The following DUSP21 variants were observed in gnomAD, a reference collection of about 807,000 sequenced individuals.
DUSP21 encodes the protein dual specificity phosphatase 21.
For synonymous variants in DUSP21, 57 were observed against 68.9 expected (o/e 0.83, Z 0.86); for missense variants, 156 against 165.8 (o/e 0.94, Z 0.32).
In DUSP21 at chrX:44,844,644, C is replaced by A; in HGVS notation, c.512C>A (p.Ser171Ter). The change falls in exon 1 of 1, where the codon TCG (serine) becomes TAG (stop). Residue 171 changes from serine (S) to a stop codon, truncating the protein, a stop_gained. Transcript: ENST00000339042. LOFTEE classifies it low-confidence loss of function (END_TRUNC). The part of the protein sequence containing the change: ...FNNNTVRMIN[S>*]PVGNIPDIYE... Reference sequence around the variant, plus strand: ...AACAACACCGTGCGCATGATCAACTCGCCGGTAGGTAACATCCCTGACATC... The same window carrying A: ...AACAACACCGTGCGCATGATCAACTAGCCGGTAGGTAACATCCCTGACATC... The A allele has an allele frequency of 8.3e-7, 1 of 1,210,548 alleles. No homozygotes were observed.
Position 44,844,047 on chromosome X carries a change from C to CT in DUSP21, c.-84dup. ...TCTTTCTCCAACACCTAGCCTGAGACTTGGCGGCGCGGCTGCTATCCTGAA... is the reference window on the plus strand; with the variant it reads ...TCTTTCTCCAACACCTAGCCTGAGACTTTGGCGGCGCGGCTGCTATCCTGAA... On this transcript the variant is annotated 5_prime_UTR_variant, in exon 1 of 1. Coordinates refer to ENST00000339042, the MANE Select transcript of DUSP21 (RefSeq NM_022076.4). The CT allele has an allele frequency of 3.2e-6, 3 of 943,214 alleles. No homozygotes were observed. The highest frequency in any genetic ancestry group is 4.3e-6 in the Non-Finnish European group (3 of 699,927). The allele number at this position is 943,214 out of a possible 1,213,427, so 77.7% of individuals were successfully genotyped here.
At position 44,844,096 on chromosome X, in the gene DUSP21, C is replaced by T. The variant is rs190374737; in HGVS notation, c.-37C>T. On this transcript the variant is annotated 5_prime_UTR_variant, in exon 1 of 1. Transcript: ENST00000339042. The stretch of plus-strand genomic sequence containing the variant: ...AACTAGCTTGGTAAGTGTTGTGTCC[C>T]GAACCAGCGTAGAGAGACCTCGGAC... 1.5e-5 allele frequency: 18 copies of T among 1,162,815 alleles called. No homozygotes were observed. The African/African-American group carries it at 2.0e-4, about 13-fold the overall frequency.
chrX:44,844,800 C>T lies in DUSP21; in HGVS notation c.*95C>T. The T allele has an allele frequency of 1.1e-6, 1 of 920,798 alleles. No individual in the cohort carries two copies. The highest frequency in any genetic ancestry group is 1.5e-6 in the Non-Finnish European group (1 of 668,229). The allele number at this position is 920,798 out of a possible 1,213,427, so 75.9% of individuals were successfully genotyped here. A position where few individuals can be genotyped will look rare whatever the true frequency, so the allele number is the denominator to read the frequency against. ...TGTTAGTAAAGAAAACCGGATGGTG[C>T]CTTGTTAAAGGGCAAGAAAAAAGGG... On this transcript the variant is annotated 3_prime_UTR_variant, in exon 1 of 1. Coordinates refer to ENST00000339042, the MANE Select transcript of DUSP21 (RefSeq NM_022076.4).
In DUSP21 at chrX:44,844,741, C is replaced by G; in HGVS notation, c.*36C>G. The G allele has an allele frequency of 8.8e-7, 1 of 1,141,004 alleles. No individual in the cohort carries two copies. The highest frequency in any genetic ancestry group is 1.2e-6 in the Non-Finnish European group (1 of 848,147). 94.0% of individuals were successfully genotyped at this position (1,141,004 alleles called of 1,213,427 possible). A position where few individuals can be genotyped will look rare whatever the true frequency, so the allele number is the denominator to read the frequency against. On this transcript the variant is annotated 3_prime_UTR_variant, in exon 1 of 1. Coordinates refer to ENST00000339042, the MANE Select transcript of DUSP21 (RefSeq NM_022076.4). ...CCAGCCCCTGACATCTGCCATCGATCTTGCACCAAGACTGAACTTGAACAC... is the reference window on the plus strand; with the variant it reads ...CCAGCCCCTGACATCTGCCATCGATGTTGCACCAAGACTGAACTTGAACAC...
rs138277843 is a variant in DUSP21, at chrX:44,844,169, G to T, written c.37G>T (p.Gly13Cys). 1.7e-6 allele frequency: 2 copies of T among 1,211,057 alleles called. No individual in the cohort carries two copies. Among genetic ancestry groups the T allele is most frequent in the African/African-American group, 3.5e-5 (2 of 57,699 alleles). ...ASASSFSSSQ[G>C]VQQPSIYSFS... is the part of the protein sequence containing the mutation. Reference sequence around the variant, plus strand: ...CGCGTCCTCCTTTTCATCATCTCAGGGTGTCCAGCAGCCCTCCATCTACAG... The same window carrying T: ...CGCGTCCTCCTTTTCATCATCTCAGTGTGTCCAGCAGCCCTCCATCTACAG... Residue 13 changes from glycine to cysteine, a missense_variant, in exon 1 of 1, where the codon GGT becomes TGT. Coordinates refer to ENST00000339042, the MANE Select transcript of DUSP21 (RefSeq NM_022076.4).
At position 44,844,723 on chromosome X, in the gene DUSP21, C is replaced by G; in HGVS notation, c.*18C>G. 8.6e-7 allele frequency: 1 copy of G among 1,166,145 alleles called. No homozygotes were observed. Among genetic ancestry groups the G allele is most frequent in the African/African-American group, 1.8e-5 (1 of 56,685 alleles). On this transcript the variant is annotated 3_prime_UTR_variant, in exon 1 of 1. Transcript: ENST00000339042. ...CAATGTAAGCCATCCCGGCCAGCCC[C>G]TGACATCTGCCATCGATCTTGCACC...
At position 44,844,346 on chromosome X, in the gene DUSP21, C is replaced by T. The variant is rs774826854; in HGVS notation, c.214C>T (p.Pro72Ser). Residue 72 changes from proline to serine, a missense_variant, in exon 1 of 1, where the codon CCT (proline) becomes TCT (serine). By Grantham distance (74) the Pro-to-Ser change is moderately conservative. Transcript: ENST00000339042. ...CGAGGGCATTCAGTACATAAAGGTG[C>T]CTGTTACCGATGCTCGTGACTCGCG... ...FFEGIQYIKV[P>S]VTDARDSRLY... 31 of 1,209,289 alleles carry T rather than the reference C, an allele frequency of 2.6e-5. No homozygotes were observed. The highest frequency in any genetic ancestry group is 3.4e-5 in the Non-Finnish European group (30 of 895,107).
rs1264299100 is a variant in DUSP21 at position 44,844,845 on chromosome X, C to T, written c.*140C>T. On this transcript the variant is annotated 3_prime_UTR_variant, in exon 1 of 1. Coordinates refer to ENST00000339042, the MANE Select transcript of DUSP21 (RefSeq NM_022076.4). Reference sequence around the variant, plus strand: ...AAAGGGAGGGGGTTGGAGTTTTGAACGTAGTAAGCCTTACCTTAATAGAAT... The same window carrying T: ...AAAGGGAGGGGGTTGGAGTTTTGAATGTAGTAAGCCTTACCTTAATAGAAT... The T allele has an allele frequency of 1.3e-5, 7 of 533,957 alleles. No homozygotes were observed. The highest frequency in any genetic ancestry group is 2.1e-5 in the Non-Finnish European group (7 of 329,439). 44.0% of individuals were successfully genotyped at this position (533,957 alleles called of 1,213,427 possible).
Position 44,844,860 on chromosome X carries a change from C to G in DUSP21, c.*155C>G. 1 of 494,081 alleles carries G rather than the reference C, an allele frequency of 2.0e-6. No individual in the cohort carries two copies. Among genetic ancestry groups the G allele is most frequent in the African/African-American group, 2.4e-5 (1 of 41,528 alleles). The allele number at this position is 494,081 out of a possible 1,213,427, so 40.7% of individuals were successfully genotyped here. On this transcript the variant is annotated 3_prime_UTR_variant, in exon 1 of 1. Transcript: ENST00000339042. ...GAGTTTTGAACGTAGTAAGCCTTAC[C>G]TTAATAGAATTAAATTCATGAAACA... is the stretch of plus-strand genomic sequence containing the variant.
chrX:44,844,737 C>A lies in DUSP21; in HGVS notation c.*32C>A. 8.8e-7 allele frequency: 1 copy of A among 1,140,291 alleles called. No individual in the cohort carries two copies. Among genetic ancestry groups the A allele is most frequent in the Admixed American group, 2.4e-5 (1 of 40,837 alleles). 94.0% of individuals were successfully genotyped at this position (1,140,291 alleles called of 1,213,427 possible). A position where few individuals can be genotyped will look rare whatever the true frequency, so the allele number is the denominator to read the frequency against. On this transcript the variant is annotated 3_prime_UTR_variant, in exon 1 of 1. Coordinates refer to ENST00000339042, the MANE Select transcript of DUSP21 (RefSeq NM_022076.4). ...CCGGCCAGCCCCTGACATCTGCCAT[C>A]GATCTTGCACCAAGACTGAACTTGA...
chrX:44,844,782 A>G lies in DUSP21; in HGVS notation c.*77A>G, dbSNP rs1029770933. On this transcript the variant is annotated 3_prime_UTR_variant, in exon 1 of 1. Transcript: ENST00000339042. ...ACTTGAACACTGACATTTTGTTAGT[A>G]AAGAAAACCGGATGGTGCCTTGTTA... The G allele has an allele frequency of 6.9e-6, 7 of 1,017,842 alleles. No homozygotes were observed. The highest frequency in any genetic ancestry group is 2.3e-5 in the South Asian group (1 of 43,478). 83.9% of individuals were successfully genotyped at this position (1,017,842 alleles called of 1,213,427 possible).
chrX:44,844,541 A>C lies in DUSP21; in HGVS notation c.409A>C (p.Lys137Gln). The change falls in exon 1 of 1, where the codon AAG becomes CAG. Residue 137 changes from lysine to glutamine, a missense_variant. Lys to Gln is a moderately conservative substitution (Grantham distance 53). Transcript: ENST00000339042. ...MSLLDAHTWT[K>Q]SRRPIIRPNN... ...GCTGCTGGACGCCCATACATGGACC[A>C]AGTCGCGCCGCCCCATCATCCGGCC... 1 of 1,211,192 alleles carries C rather than the reference A, an allele frequency of 8.3e-7. No individual in the cohort carries two copies. Among genetic ancestry groups the C allele is most frequent in the Non-Finnish European group, 1.1e-6 (1 of 895,437 alleles).
rs376243334 is a variant in DUSP21, at chrX:44,844,686, G to A, written c.554G>A (p.Arg185His). 4.2e-6 allele frequency: 5 copies of A among 1,198,461 alleles called. No individual in the cohort carries two copies. The highest frequency in any genetic ancestry group is 2.2e-5 in the Admixed American group (1 of 44,828). Reference sequence around the variant, plus strand: ...CCTGACATCTATGAGAAGGACCTACGTATGATGATATCAATGTAAGCCATC... The same window carrying A: ...CCTGACATCTATGAGAAGGACCTACATATGATGATATCAATGTAAGCCATC... Reference protein sequence around the residue: ...NIPDIYEKDLRMMISM With the variant: ...NIPDIYEKDLHMMISM Residue 185 changes from arginine (R) to histidine (H), a missense_variant, in exon 1 of 1, where the codon CGT becomes CAT. Coordinates refer to ENST00000339042, the MANE Select transcript of DUSP21 (RefSeq NM_022076.4).
In DUSP21 at chrX:44,844,535, T is replaced by C. The variant is rs1287446152; in HGVS notation, c.403T>C (p.Trp135Arg). 6 of 1,209,151 alleles carry C rather than the reference T, an allele frequency of 5.0e-6. No homozygotes were observed. The highest frequency in any genetic ancestry group is 6.7e-6 in the Non-Finnish European group (6 of 895,135). Reference sequence around the variant, plus strand: ...CATGTCGCTGCTGGACGCCCATACATGGACCAAGTCGCGCCGCCCCATCAT... The same window carrying C: ...CATGTCGCTGCTGGACGCCCATACACGGACCAAGTCGCGCCGCCCCATCAT... ...HSMSLLDAHT[W>R]TKSRRPIIRP... Residue 135 changes from tryptophan (W) to arginine (R), a missense_variant, in exon 1 of 1, where the codon TGG becomes CGG. Coordinates refer to ENST00000339042, the MANE Select transcript of DUSP21 (RefSeq NM_022076.4).
In DUSP21 at chrX:44,844,080, G is replaced by A; in HGVS notation, c.-53G>A. 8.9e-7 allele frequency: 1 copy of A among 1,117,836 alleles called. No homozygotes were observed. Among genetic ancestry groups the A allele is most frequent in the Non-Finnish European group, 1.2e-6 (1 of 834,940 alleles). 92.1% of individuals were successfully genotyped at this position (1,117,836 alleles called of 1,213,427 possible). On this transcript the variant is annotated 5_prime_UTR_variant, in exon 1 of 1. Coordinates refer to ENST00000339042, the MANE Select transcript of DUSP21 (RefSeq NM_022076.4). ...CGCGGCTGCTATCCTGAACTAGCTT[G>A]GTAAGTGTTGTGTCCCGAACCAGCG...
In DUSP21 at chrX:44,844,446, A is replaced by C; in HGVS notation, c.314A>C (p.His105Pro). ...ATGAGGCAGGGCCGTACGCTGCTGC[A>C]CTGCATGGCTGGAGTGAGCCGTTCC... is the stretch of plus-strand genomic sequence containing the variant. ...IDMRQGRTLL[H>P]CMAGVSRSAS... The change falls in exon 1 of 1, where the codon CAC (histidine) becomes CCC (proline). Residue 105 changes from histidine (H) to proline (P), a missense_variant. Coordinates refer to ENST00000339042, the MANE Select transcript of DUSP21 (RefSeq NM_022076.4). 8.3e-7 allele frequency: 1 copy of C among 1,211,403 alleles called. No homozygotes were observed.
In DUSP21 at chrX:44,844,525, C is replaced by A. The variant is rs1361960950; in HGVS notation, c.393C>A (p.Asp131Glu). ...LMKYHSMSLL[D>E]AHTWTKSRRP... ...AATACCACTCCATGTCGCTGCTGGA[C>A]GCCCATACATGGACCAAGTCGCGCC... Residue 131 changes from aspartate to glutamate, a missense_variant, in exon 1 of 1, where the codon GAC becomes GAA. By Grantham distance (45) the Asp-to-Glu change is conservative (BLOSUM62 2). Transcript: ENST00000339042. The A allele has an allele frequency of 8.3e-7, 1 of 1,211,370 alleles. No individual in the cohort carries two copies.
At position 44,844,264 on chromosome X, in the gene DUSP21, C is replaced by G; in HGVS notation, c.132C>G (p.Ser44=). ...GVAANDKLLL[S]SNRITAIVNA... The stretch of plus-strand genomic sequence containing the variant: ...CCGCCAACGACAAACTCCTTCTGTC[C>G]AGCAATCGCATCACCGCCATTGTCA... Residue 44 remains serine, a synonymous_variant, in exon 1 of 1, where the codon TCC becomes TCG. Transcript: ENST00000339042. 5.0e-6 allele frequency: 6 copies of G among 1,211,209 alleles called. No homozygotes were observed. The highest frequency in any genetic ancestry group is 6.7e-6 in the Non-Finnish European group (6 of 895,409).
At position 44,844,209 on chromosome X, in the gene DUSP21, C is replaced by G; in HGVS notation, c.77C>G (p.Thr26Ser). 8.3e-7 allele frequency: 1 copy of G among 1,211,384 alleles called. No individual in the cohort carries two copies. Among genetic ancestry groups the G allele is most frequent in the East Asian group, 3.0e-5 (1 of 33,860 alleles). The change falls in exon 1 of 1, where the codon ACC becomes AGC. Residue 26 changes from threonine (T) to serine (S), a missense_variant. Thr to Ser is a moderately conservative substitution (Grantham distance 58). Transcript: ENST00000339042. Reference sequence around the variant, plus strand: ...TCCATCTACAGCTTCTCCCAAATAACCAGAAGCTTGTTTCTCAGCAATGGT... The same window carrying G: ...TCCATCTACAGCTTCTCCCAAATAAGCAGAAGCTTGTTTCTCAGCAATGGT... ...QPSIYSFSQI[T>S]RSLFLSNGVA...
Sources: allele counts gnomAD v4.1 joint callset, GRCh38; gene constraint gnomAD v4.1.1; transcripts MANE v1.5; gene names NCBI Gene and HGNC (gene_info 2026-07-23, HGNC 2026-07-21).